Variants in DLG2 observed in about 807,000 individuals in gnomAD.
The protein encoded by DLG2 is disks large homolog 2.
DLG2 carries 45 observed loss-of-function variants against 132.5 expected under a neutral mutation model. That is an observed-to-expected ratio of 0.34 (90% CI 0.27 to 0.44). The LOEUF is 0.44. DLG2 is among the 20% of genes least tolerant of loss of function. The probability of loss-of-function intolerance (pLI) is 1.00; values close to 1 mark genes in which losing one functional copy is unlikely to be tolerated. For synonymous variants in DLG2, 424 were observed against 419.6 expected, an observed-to-expected ratio of 1.01 and a Z score of -0.13; for missense variants, 1,045 against 1,196.9, an observed-to-expected ratio of 0.87 and a Z score of 1.87.
At chr11:83,860,081 A>G (rs1027235164) in intron 16 of DLG2, among the ~76,000 whole-genome samples, 14 of 152,302 alleles carry the variant, frequency 9.2e-5, no homozygotes, top group African/African-American at 3.4e-4. Context: ...GCCCAGGAGA[A>G]GTTTGCTGCA....
chr11:84,099,357 A>G (rs1386313736), intron 9 of DLG2, among the ~76,000 whole-genome samples: 1 of 152,172 alleles, frequency 6.6e-6, no homozygotes, highest in Admixed American at 6.5e-5. Context: ...GAAAAAATAT[A>G]AAGAATCATT....
chr11:83,889,811 G>A (rs2069161870), intron 15 of DLG2, among the ~76,000 whole-genome samples: 1 of 152,060 alleles, frequency 6.6e-6, no homozygotes, highest in Non-Finnish European at 1.5e-5. Context: ...TCCTTTGTAG[G>A]GACATGGATG....
At chr11:84,287,729 TTCTC>T (rs533810802) in intron 7 of DLG2, among the ~76,000 whole-genome samples, 6 of 125,076 alleles carry the variant, frequency 4.8e-5, no homozygotes, top group African/African-American at 1.8e-4. Flanking sequence ...CTCCATATTT[TTCTC>T]TCTCTTAGAC....
chr11:84,514,586 G>T (rs2099266941), intron 7 of DLG2, among the ~76,000 whole-genome samples: 1 of 151,796 alleles, frequency 6.6e-6, no homozygotes, highest in African/African-American at 2.4e-5. Flanking sequence ...CTTATTTTGG[G>T]ATCTAAAAAT....
chr11:84,900,151 T>G (rs1590911488), intron 6 of DLG2, among the ~76,000 whole-genome samples: 2 of 152,084 alleles, frequency 1.3e-5, no homozygotes, highest in South Asian at 4.1e-4. Context: ...TTTGAATATT[T>G]TGTCAGAGGC....
At chr11:84,460,321 T>G (rs571128272) in intron 7 of DLG2, among the ~76,000 whole-genome samples, 1 of 150,666 alleles carries the variant, frequency 6.6e-6, no homozygotes, top group East Asian at 1.9e-4. Flanking sequence ...TTTTTGTTCT[T>G]ATCATTTTTG....
chr11:85,588,718 A>G (rs1218206410), intron 3 of DLG2, among the ~76,000 whole-genome samples: 1 of 152,044 alleles, frequency 6.6e-6, no homozygotes, highest in African/African-American at 2.4e-5. Flanking sequence ...ATCAATTGCT[A>G]TGAAGCTAGT....
intron 4 of DLG2, among the ~76,000 whole-genome samples, chr11:85,268,912 T>C (rs1242438574): frequency 3.9e-5 from 6 of 152,236 alleles, no homozygotes; most frequent in Admixed American, 1.3e-4. Context: ...AAATTACAAC[T>C]AACGGATAGA....
intron 11 of DLG2, among the ~76,000 whole-genome samples, chr11:83,987,302 C>T (rs2093395159): frequency 2.0e-5 from 3 of 152,050 alleles, no homozygotes; most frequent in South Asian, 4.2e-4. Flanking sequence ...ATGCCATCCC[C>T]ATCAAGCTAC....
intron 3 of DLG2, among the ~76,000 whole-genome samples, chr11:85,406,229 G>A (rs534786931): frequency 2.0e-5 from 3 of 151,156 alleles, no homozygotes; most frequent in African/African-American, 7.3e-5. Flanking sequence ...AAGAAACCAG[G>A]CTGCAATTTA....
At chr11:83,881,488 A>C (rs1557432) in intron 15 of DLG2, among the ~76,000 whole-genome samples, 123,964 of 152,160 alleles carry the variant, frequency 0.81, 51,078 homozygotes, top group African/African-American at 0.95. Flanking sequence ...GAATTTCACT[A>C]TTTCATCTAG....
At chr11:84,273,267 G>C in intron 7 of DLG2, 2 of 1,280,544 alleles carry the variant, frequency 1.6e-6, no homozygotes, top group Non-Finnish European at 2.0e-6. Context: ...GCGAAAGCTG[G>C]TAACACTCAA....
chr11:84,633,220 C>T (rs996379731), intron 6 of DLG2, among the ~76,000 whole-genome samples: 1 of 152,286 alleles, frequency 6.6e-6, no homozygotes, highest in Non-Finnish European at 1.5e-5. Context: ...TCAGACTTCT[C>T]AGCATATTAT....
chr11:85,341,098 T>C lies in DLG2; in HGVS notation c.41-55733A>G, dbSNP rs115060285. Among the ~76,000 whole-genome samples the C allele has an allele frequency of 8.3e-3, 1,001 of 120,930 alleles. 11 individuals are homozygous for C. Among genetic ancestry groups the C allele is most frequent in the African/African-American group, 0.029 (937 of 32,720 alleles). 79.3% of individuals were successfully genotyped at this position (120,930 alleles called of 152,430 possible). On this transcript the variant is annotated intron_variant, in intron 3 of 27. Coordinates refer to ENST00000376104, the MANE Select transcript of DLG2 (RefSeq NM_001142699.3). ...TAGAAGGTATGAAAATTTTGTGGCT[T>C]TTTCTTGTTTGTTTTTGTTTTGTTT...
chr11:83,892,751 A>T (rs1413905034), intron 15 of DLG2, among the ~76,000 whole-genome samples: 2 of 151,854 alleles, frequency 1.3e-5, no homozygotes, highest in East Asian at 3.9e-4. Flanking sequence ...TAGTTTGTTA[A>T]GTTAATAGAA....
chr11:83,824,723 T>C (rs1374602445), intron 17 of DLG2, among the ~76,000 whole-genome samples: 1 of 152,176 alleles, frequency 6.6e-6, no homozygotes, highest in Non-Finnish European at 1.5e-5. Context: ...TCCGCTATTA[T>C]ACACAGTTTT....
At chr11:84,361,851 T>C (rs1238315294) in intron 7 of DLG2, among the ~76,000 whole-genome samples, 5 of 151,910 alleles carry the variant, frequency 3.3e-5, no homozygotes, top group African/African-American at 9.7e-5. Context: ...TATTTAAAGA[T>C]AGACTGTGAT....
At chr11:85,006,497 T>C (rs1216391507) in intron 6 of DLG2, among the ~76,000 whole-genome samples, 5 of 152,212 alleles carry the variant, frequency 3.3e-5, no homozygotes, top group African/African-American at 4.8e-5. Context: ...CTTCTACATT[T>C]TCTAGTTTAT....
chr11:85,001,920 A>G (rs764524861), intron 6 of DLG2, among the ~76,000 whole-genome samples: 7 of 152,166 alleles, frequency 4.6e-5, no homozygotes, highest in Middle Eastern at 3.2e-3. Flanking sequence ...TTTTCTGCTC[A>G]ATTTGGCTAT....
Sources: allele counts gnomAD v4.1 joint callset (sites outside exome capture counted in the v4.1 genomes callset), GRCh38; gene constraint gnomAD v4.1.1; transcripts MANE v1.5; gene names NCBI Gene and HGNC (gene_info 2026-07-23, HGNC 2026-07-21).